Variants in SNX13 observed in about 807,000 individuals in gnomAD.
SNX13 encodes sorting nexin-13.
In SNX13, 45 loss-of-function variants were observed where a neutral mutation model predicts 133.6. That is an observed-to-expected ratio of 0.34 (90% CI 0.27 to 0.43). SNX13 has a LOEUF of 0.43. Ranked by LOEUF, SNX13 falls within the 20% of genes least tolerant of loss-of-function variation. SNX13 has a pLI of 1.00. For missense variants in SNX13, 1,032 were observed against 1,145.1 expected, an observed-to-expected ratio of 0.90 and a Z score of 1.43; for synonymous variants, 414 against 373.9, an observed-to-expected ratio of 1.11 and a Z score of -1.24.
intron 1 of SNX13, among the ~76,000 whole-genome samples, chr7:17,908,874 CA>C (rs1415749273): frequency 6.6e-6 from 1 of 152,024 alleles, no homozygotes; most frequent in Non-Finnish European, 1.5e-5. Flanking sequence ...AAGGGTGGGG[CA>C]GGGGGGTCAG....
rs866199231 is a variant in SNX13, at chr7:17,930,028, G to C, written c.12+10256C>G. On this transcript the variant is annotated intron_variant, in intron 1 of 25. Coordinates refer to ENST00000428135, the MANE Select transcript of SNX13 (RefSeq NM_015132.5). ...TCAAACATATTAAATTCTAAGTTTT[G>C]AAAATAAACCACTTGCTATTTACAT... 2.0e-5 allele frequency among the ~76,000 whole-genome samples: 3 copies of C among 151,622 alleles called. No homozygotes were observed. In the South Asian group the frequency reaches 6.2e-4, roughly 32 times the overall value.
chr7:17,878,747 T>G (rs1795011090), intron 5 of SNX13, among the ~76,000 whole-genome samples: 1 of 152,176 alleles, frequency 6.6e-6, no homozygotes, highest in Non-Finnish European at 1.5e-5. Flanking sequence ...CTCTAAGATC[T>G]TCCATACGGA....
chr7:17,940,264 T>C lies in SNX13; in HGVS notation c.12+20A>G, dbSNP rs968804976. ...CCTTCCCCATTTCACAGGTAAACAC[T>C]GGCCACCGTCGCCGCTTACCTCAGT... On this transcript the variant is annotated intron_variant, in intron 1 of 25. Coordinates refer to ENST00000428135, the MANE Select transcript of SNX13 (RefSeq NM_015132.5). 2 of 1,557,454 alleles carry C rather than the reference T, an allele frequency of 1.3e-6. No homozygotes were observed. Among genetic ancestry groups the C allele is most frequent in the African/African-American group, 2.7e-5 (2 of 73,292 alleles).
At chr7:17,857,835 A>C (rs1583503497) in intron 9 of SNX13, among the ~76,000 whole-genome samples, 4 of 152,298 alleles carry the variant, frequency 2.6e-5, no homozygotes, top group Non-Finnish European at 5.9e-5. Flanking sequence ...ACCATGATTA[A>C]GTGGGTGGGA....
At chr7:17,854,761 G>A (rs1330556593) in intron 9 of SNX13, among the ~76,000 whole-genome samples, 20 of 152,236 alleles carry the variant, frequency 1.3e-4, no homozygotes, top group Non-Finnish European at 1.5e-5. Flanking sequence ...TCTCCCTCTA[G>A]TAGGGCCTCT....
rs546815916 is a variant in SNX13, at chr7:17,830,335, C to G, written c.1598-288G>C. The G allele has an allele frequency of 1.1e-4, 106 of 984,180 alleles. No homozygotes were observed. In the African/African-American group the frequency reaches 1.7e-3, roughly 16 times the overall value. 61.0% of individuals were successfully genotyped at this position (984,180 alleles called of 1,614,324 possible). On this transcript the variant is annotated intron_variant, in intron 15 of 25. Transcript: ENST00000428135. ...AGTAATTATTAAATGTTTTTATTCTCATGGTATCAAGTAAGTTGCCTAATA... is the reference window on the plus strand; with the variant it reads ...AGTAATTATTAAATGTTTTTATTCTGATGGTATCAAGTAAGTTGCCTAATA...
At chr7:17,816,037 G>C (rs116650904) in intron 19 of SNX13, 145 bp downstream of exon 19, 1 of 813,670 alleles carries the variant, frequency 1.2e-6, no homozygotes, top group Non-Finnish European at 1.8e-6. Flanking sequence ...CAGACTGCAC[G>C]TCACATTTGA....
intron 1 of SNX13, among the ~76,000 whole-genome samples, chr7:17,907,625 C>G (rs999602829): frequency 6.6e-6 from 1 of 152,152 alleles, no homozygotes; most frequent in African/African-American, 2.4e-5. Flanking sequence ...AACACCCCCC[C>G]TGAAAATAAG....
chr7:17,911,959 A>C (rs1457726093), intron 1 of SNX13, among the ~76,000 whole-genome samples: 1 of 152,194 alleles, frequency 6.6e-6, no homozygotes, highest in Non-Finnish European at 1.5e-5. Context: ...TGAGGTCACT[A>C]AATGTTGGCA....
At chr7:17,819,879 A>G (rs893018666) in intron 18 of SNX13, among the ~76,000 whole-genome samples, 2 of 134,970 alleles carry the variant, frequency 1.5e-5, no homozygotes, top group African/African-American at 6.1e-5. Context: ...TAAAGTTTAT[A>G]AACTTTATAA....
At chr7:17,825,553 T>G (rs985485544) in intron 17 of SNX13, among the ~76,000 whole-genome samples, 8 of 152,190 alleles carry the variant, frequency 5.3e-5, no homozygotes, top group Non-Finnish European at 8.8e-5. Flanking sequence ...TGCTGAATGA[T>G]CACAAAGTTT....
chr7:17,868,509 A>G lies in SNX13; in HGVS notation c.754-19T>C, dbSNP rs763585216. On this transcript the variant is annotated intron_variant, in intron 8 of 25. Coordinates refer to ENST00000428135, the MANE Select transcript of SNX13 (RefSeq NM_015132.5). ...GGATTTCCTGAAAAAAAAGTAAATA[A>G]CAAAAACAAATTTAATCTATTTCTG... The G allele has an allele frequency of 1.3e-6, 2 of 1,542,662 alleles. No homozygotes were observed. The highest frequency in any genetic ancestry group is 2.3e-5 in the South Asian group (2 of 85,294).
At chr7:17,891,216 G>C (rs1796587939) in intron 4 of SNX13, among the ~76,000 whole-genome samples, 1 of 151,664 alleles carries the variant, frequency 6.6e-6, no homozygotes, top group Non-Finnish European at 1.5e-5. Context: ...GTAACAAGTA[G>C]GAAAAAAAGT....
intron 17 of SNX13, 142 bp downstream of exon 17, chr7:17,825,880 G>T: frequency 1.8e-6 from 1 of 541,378 alleles, no homozygotes; most frequent in Non-Finnish European, 3.3e-6. Flanking sequence ...AGAATTTAAT[G>T]AAGGACATGC....
chr7:17,940,194 C>T (rs894056228), intron 1 of SNX13, 90 bp downstream of exon 1: 156 of 1,525,738 alleles, frequency 1.0e-4, no homozygotes, highest in Non-Finnish European at 1.3e-4. Flanking sequence ...AGGGTCAGGC[C>T]CACCTTCCGT....
chr7:17,870,859 T>C (rs545738825), intron 8 of SNX13, among the ~76,000 whole-genome samples: 3 of 152,250 alleles, frequency 2.0e-5, no homozygotes, highest in Non-Finnish European at 2.9e-5. Flanking sequence ...AGGAAAACAA[T>C]TGGATACTAT....
At chr7:17,826,739 A>T (rs895680395) in intron 16 of SNX13, among the ~76,000 whole-genome samples, 1 of 152,118 alleles carries the variant, frequency 6.6e-6, no homozygotes, top group African/African-American at 2.4e-5. Flanking sequence ...CTATTGACTG[A>T]CTCAAAATGA....
chr7:17,919,332 C>A (rs901367923), intron 1 of SNX13, among the ~76,000 whole-genome samples: 2 of 152,134 alleles, frequency 1.3e-5, no homozygotes, highest in Non-Finnish European at 2.9e-5. Context: ...GTTCTCACCA[C>A]CCTATTATAA....
intron 18 of SNX13, among the ~76,000 whole-genome samples, chr7:17,817,229 C>G (rs1786763707): frequency 6.6e-6 from 1 of 152,160 alleles, no homozygotes; most frequent in South Asian, 2.1e-4. Flanking sequence ...TCATCGTAAT[C>G]TGTAATGCCT....
Sources: gnomAD v4.1 joint callset for allele counts (sites outside exome capture counted in the v4.1 genomes callset) on GRCh38, gnomAD v4.1.1 for gene constraint, MANE v1.5 for transcripts, NCBI Gene and HGNC (gene_info 2026-07-23, HGNC 2026-07-21) for gene names.